PHKG2: variants seen among roughly 807,000 people sequenced by gnomAD.
PHKG2 encodes the protein phosphorylase kinase catalytic subunit gamma 2.
Under a neutral mutation model 44.5 loss-of-function variants are expected in PHKG2, and 28 were observed. That is an observed-to-expected ratio of 0.63 (90% CI 0.47 to 0.86). The LOEUF (loss-of-function observed/expected upper bound fraction) is 0.86. Among genes scored for constraint, PHKG2 ranks in the 40% least tolerant of loss-of-function variants. The pLI is 0.00. For missense variants in PHKG2, 498 were observed against 547.5 expected (o/e 0.91, Z 0.90); for synonymous variants, 220 against 211.2 (o/e 1.04, Z -0.36).
chr16:30,756,051 A>G, intron 6 of PHKG2, 131 bp from the exon 7 acceptor site: 1 of 812,370 alleles, frequency 1.2e-6, no homozygotes, highest in East Asian at 2.4e-5. Context: ...GAGACTTGGC[A>G]GAAGGCAGAC....
rs184353808 is a variant in PHKG2, at chr16:30,750,240, G to A, written c.96-866G>A. On this transcript the variant is annotated intron_variant, in intron 2 of 9. Transcript: ENST00000563588. ...AAAAAAAAATTGCACCGGCCAAAACGTAACACATCTGAGGGCTGTGTTTGG... is the reference window on the plus strand; with the variant it reads ...AAAAAAAAATTGCACCGGCCAAAACATAACACATCTGAGGGCTGTGTTTGG... 5.5e-3 allele frequency among the ~76,000 whole-genome samples: 844 copies of A among 152,216 alleles called. 5 individuals are homozygous for A. Among genetic ancestry groups the A allele is most frequent in the Non-Finnish European group, 8.0e-3 (544 of 68,006 alleles).
At position 30,756,204 on chromosome 16, in the gene PHKG2, T is replaced by C. The variant is rs992271371; in HGVS notation, c.579T>C (p.Tyr193=). The C allele has an allele frequency of 3.7e-6, 6 of 1,613,950 alleles. No individual in the cohort carries two copies. Among genetic ancestry groups the C allele is most frequent in the Admixed American group, 3.3e-5 (2 of 60,000 alleles). Residue 193 remains tyrosine (Y), a synonymous_variant, in exon 7 of 10, where the codon TAT becomes TAC. Transcript: ENST00000563588. The part of the protein sequence containing the change: ...KLRELCGTPG[Y]LAPEILKCSM... ...CAGAGTTGTGTGGGACCCCAGGGTA[T>C]CTAGCGCCAGAGATCCTTAAATGCT...
Position 30,757,888 on chromosome 16 carries a change from C to G in PHKG2, c.*791C>G, listed in dbSNP as rs920449687. Reference sequence around the variant, plus strand: ...TGATCCCTACTCAGTAGCTGTGTGACCTTAGGCAGGTTATTTAACCTATCT... The same window carrying G: ...TGATCCCTACTCAGTAGCTGTGTGAGCTTAGGCAGGTTATTTAACCTATCT... On this transcript the variant is annotated 3_prime_UTR_variant, in exon 10 of 10. Coordinates refer to ENST00000563588, the MANE Select transcript of PHKG2 (RefSeq NM_000294.3). 8.2e-7 allele frequency: 1 copy of G among 1,224,504 alleles called. No individual in the cohort carries two copies. The highest frequency in any genetic ancestry group is 1.1e-6 in the Non-Finnish European group (1 of 941,044). 75.9% of individuals were successfully genotyped at this position (1,224,504 alleles called of 1,614,324 possible).
chr16:30,751,720 GC>G, intron 4 of PHKG2, 117 bp downstream of exon 4: 1 of 907,848 alleles, frequency 1.1e-6, no homozygotes, highest in Non-Finnish European at 1.9e-6. Flanking sequence ...TCCAGCTGGG[GC>G]TCTCTATCAC....
At position 30,751,577 on chromosome 16, in the gene PHKG2, T is replaced by C; in HGVS notation, c.300T>C (p.Ser100=). Residue 100 remains serine (S), a synonymous_variant, in exon 4 of 10, where the codon TCT becomes TCC. Transcript: ENST00000563588. The stretch of plus-strand genomic sequence containing the variant: ...CCCTCATCGATTCCTACGAGTCTTC[T>C]AGCTTCATGTTCCTGGTGTTTGACC... ...IITLIDSYES[S]SFMFLVFDLM... is the part of the protein sequence containing the mutation. 1 of 1,613,912 alleles carries C rather than the reference T, an allele frequency of 6.2e-7. No individual in the cohort carries two copies. The highest frequency in any genetic ancestry group is 2.2e-5 in the East Asian group (1 of 44,880).
At position 30,761,015 on chromosome 16, in the gene PHKG2, C is replaced by G; in HGVS notation, c.*3918C>G. 1.5e-6 allele frequency: 1 copy of G among 663,914 alleles called. No homozygotes were observed. Among genetic ancestry groups the G allele is most frequent in the South Asian group, 1.9e-5 (1 of 51,518 alleles). The allele number at this position is 663,914 out of a possible 1,614,324, so 41.1% of individuals were successfully genotyped here. On this transcript the variant is annotated 3_prime_UTR_variant, in exon 10 of 10. Transcript: ENST00000563588. ...ACATTCTGTCTTTGGCTCTTTTTTTCTCACACTGCCTCCTCTTTGGACTGG... is the reference window on the plus strand; with the variant it reads ...ACATTCTGTCTTTGGCTCTTTTTTTGTCACACTGCCTCCTCTTTGGACTGG...
Position 30,758,372 on chromosome 16 carries a change from G to C in PHKG2, c.*1275G>C, listed in dbSNP as rs1361514178. ...AGTTGTGAGCCACTGCACCTGGCCT[G>C]TTCTTTGTTTTTTTTTAACTCTTAA... On this transcript the variant is annotated 3_prime_UTR_variant, in exon 10 of 10. Transcript: ENST00000563588. The C allele has an allele frequency of 6.5e-6, 1 of 154,406 alleles. No homozygotes were observed. Among genetic ancestry groups the C allele is most frequent in the African/African-American group, 2.4e-5 (1 of 41,380 alleles). The allele number at this position is 154,406 out of a possible 1,614,324, so 9.6% of individuals were successfully genotyped here.
intron 6 of PHKG2, chr16:30,754,963 T>A (rs1014202467): frequency 1.8e-5 from 8 of 448,724 alleles, no homozygotes; most frequent in African/African-American, 1.6e-4. Flanking sequence ...GGTGTAGGAA[T>A]GAATTTCCCA....
intron 4 of PHKG2, chr16:30,752,631 T>C (rs1029287610): frequency 6.5e-6 from 1 of 153,704 alleles, no homozygotes; most frequent in African/African-American, 2.4e-5. Flanking sequence ...TGGAAAAAAT[T>C]CATGAAGGCT....
rs768809722 is a variant in PHKG2 at position 30,759,563 on chromosome 16, C to G, written c.*2466C>G. 4.3e-6 allele frequency: 7 copies of G among 1,613,934 alleles called. No individual in the cohort carries two copies. In the African/African-American group the frequency reaches 8.0e-5, roughly 18 times the overall value. On this transcript the variant is annotated 3_prime_UTR_variant, in exon 10 of 10. Coordinates refer to ENST00000563588, the MANE Select transcript of PHKG2 (RefSeq NM_000294.3). ...CAAGGAGAGCCCACTGGGGTCTTCA[C>G]AAGAAGATAAGGGTGATGAATGTGA... is the stretch of plus-strand genomic sequence containing the variant.
At chr16:30,756,158 T>C in intron 6 of PHKG2, 24 bp from the exon 7 acceptor site, 1 of 1,587,800 alleles carries the variant, frequency 6.3e-7, no homozygotes, top group Non-Finnish European at 8.7e-7. Flanking sequence ...TGGCATCCCC[T>C]CAATCTTGGT....
intron 2 of PHKG2, 120 bp from the exon 3 acceptor site, chr16:30,750,986 C>T: frequency 9.6e-7 from 1 of 1,039,828 alleles, no homozygotes; most frequent in Non-Finnish European, 1.5e-6. Flanking sequence ...AGCTTGTTGC[C>T]CTGTGATCCA....
In PHKG2 at chr16:30,751,287, G is replaced by A. The variant is rs767677860; in HGVS notation, c.271+6G>A. The A allele has an allele frequency of 4.6e-5, 74 of 1,608,196 alleles. No individual in the cohort carries two copies. The South Asian group carries it at 7.1e-4, about 16-fold the overall frequency. ...CGCCGGCCACCCCCACATCAGTGAG[G>A]CTGTCTTCCTTGCTCCTGTTAGCAG... On this transcript the variant is annotated splice_donor_region_variant and intron_variant, in intron 3 of 9. Coordinates refer to ENST00000563588, the MANE Select transcript of PHKG2 (RefSeq NM_000294.3).
rs973262611 is a variant in PHKG2 at position 30,757,824 on chromosome 16, G to A, written c.*727G>A. ...GCAAGCCCTTGTGTGAGAGGTAGTT[G>A]GGTAGGGTGGCTATGCTGGACTTTG... On this transcript the variant is annotated 3_prime_UTR_variant, in exon 10 of 10. Transcript: ENST00000563588. 7.1e-7 allele frequency: 1 copy of A among 1,413,568 alleles called. No individual in the cohort carries two copies. Among genetic ancestry groups the A allele is most frequent in the Admixed American group, 3.1e-5 (1 of 32,424 alleles). 87.6% of individuals were successfully genotyped at this position (1,413,568 alleles called of 1,614,324 possible). A position where few individuals can be genotyped will look rare whatever the true frequency, so the allele number is the denominator to read the frequency against.
At position 30,756,926 on chromosome 16, in the gene PHKG2, C is replaced by T. The variant is rs371914785; in HGVS notation, c.1050C>T (p.Ile350=). ...PYALRSVRHL[I]DNCAFRLYGH... Reference sequence around the variant, plus strand: ...CGCTGCGGTCAGTGCGGCACCTCATCGACAACTGTGCCTTCCGGCTCTACG... The same window carrying T: ...CGCTGCGGTCAGTGCGGCACCTCATTGACAACTGTGCCTTCCGGCTCTACG... The change falls in exon 10 of 10, where the codon ATC becomes ATT. Residue 350 remains isoleucine (I), a synonymous_variant. Coordinates refer to ENST00000563588, the MANE Select transcript of PHKG2 (RefSeq NM_000294.3). 335 of 1,613,786 alleles carry T rather than the reference C, an allele frequency of 2.1e-4. 1 individual carries two copies. Among genetic ancestry groups the T allele is most frequent in the Non-Finnish European group, 2.5e-4 (296 of 1,180,024 alleles).
chr16:30,754,045 A>G (rs2053384928), intron 6 of PHKG2, among the ~76,000 whole-genome samples: 1 of 152,108 alleles, frequency 6.6e-6, no homozygotes, highest in African/African-American at 2.4e-5. Flanking sequence ...CACCTGTGGG[A>G]TTCTTCAGAG....
At position 30,760,843 on chromosome 16, in the gene PHKG2, C is replaced by A. The variant is rs1484936699; in HGVS notation, c.*3746C>A. 4.6e-6 allele frequency: 3 copies of A among 647,616 alleles called. No individual in the cohort carries two copies. Among genetic ancestry groups the A allele is most frequent in the Admixed American group, 2.5e-5 (1 of 40,372 alleles). The allele number at this position is 647,616 out of a possible 1,614,324, so 40.1% of individuals were successfully genotyped here. ...CTGGGCCTAAATGAACTCTTATGAG[C>A]CTCTCCATTTCTAAAGCCTAGGGTT... On this transcript the variant is annotated 3_prime_UTR_variant, in exon 10 of 10. Transcript: ENST00000563588.
Position 30,748,866 on chromosome 16 carries a change from G to A in PHKG2, c.46G>A (p.Ala16Thr). 2 of 1,554,564 alleles carry A rather than the reference G, an allele frequency of 1.3e-6. No individual in the cohort carries two copies. Among genetic ancestry groups the A allele is most frequent in the Middle Eastern group, 1.7e-4 (1 of 5,992 alleles). ...GPEDELPDWA[A>T]AKEFYQKYDP... ...GGAGGATGAGCTGCCCGACTGGGCC[G>A]CCGCCAAAGAGTTTTACCAGAAGTA... The change falls in exon 2 of 10, where the codon GCC becomes ACC. Residue 16 changes from alanine to threonine, a missense_variant. Transcript: ENST00000563588.
rs756083443 is a variant in PHKG2 at position 30,760,467 on chromosome 16, G to A, written c.*3370G>A. The stretch of plus-strand genomic sequence containing the variant: ...TCAGCCAGCACCCTTGGGAGGGAGA[G>A]AGGAGTGAGTGACAACTGGGCCTCC... On this transcript the variant is annotated 3_prime_UTR_variant, in exon 10 of 10. Transcript: ENST00000563588. 1.7e-5 allele frequency: 28 copies of A among 1,613,336 alleles called. No individual in the cohort carries two copies. Among genetic ancestry groups the A allele is most frequent in the Non-Finnish European group, 2.3e-5 (27 of 1,179,550 alleles).
Sources: gnomAD v4.1 joint callset for allele counts (sites outside exome capture counted in the v4.1 genomes callset) on GRCh38, gnomAD v4.1.1 for gene constraint, MANE v1.5 for transcripts, NCBI Gene and HGNC (gene_info 2026-07-23, HGNC 2026-07-21) for gene names.